Variants in LDHC observed in about 807,000 individuals in gnomAD.
The protein encoded by LDHC is L-lactate dehydrogenase C chain.
LDHC carries 20 observed loss-of-function variants against 30.2 expected under a neutral mutation model. The ratio of observed to expected loss-of-function variants is 0.66; its 90% confidence interval spans 0.47 to 0.96. The LOEUF (loss-of-function observed/expected upper bound fraction) is 0.96. LDHC is among the 40% of genes least tolerant of loss of function. LDHC has a pLI of 0.00. For synonymous variants in LDHC, 139 were observed against 132.7 expected (o/e 1.05, Z -0.32); for missense variants, 362 against 394.9 (o/e 0.92, Z 0.71).
At chr11:18,415,528 T>C (rs1409773467) in intron 3 of LDHC, among the ~76,000 whole-genome samples, 1 of 152,146 alleles carries the variant, frequency 6.6e-6, no homozygotes, top group Non-Finnish European at 1.5e-5. Flanking sequence ...ACCTCCCAGC[T>C]TCAAGTGATT....
At chr11:18,443,272 A>C (rs942529454) in intron 6 of LDHC, among the ~76,000 whole-genome samples, 2 of 152,066 alleles carry the variant, frequency 1.3e-5, no homozygotes, top group African/African-American at 4.8e-5. Flanking sequence ...AAATGCAGGG[A>C]TCTAACTGGT....
intron 7 of LDHC, among the ~76,000 whole-genome samples, chr11:18,449,073 A>G (rs184223751): frequency 0.011 from 1,590 of 148,974 alleles, 17 homozygotes; most frequent in Non-Finnish European, 0.017. Flanking sequence ...ACAGGAGGTA[A>G]AGGGAAACAA....
chr11:18,444,863 A>C (rs908757872), intron 6 of LDHC, among the ~76,000 whole-genome samples: 3 of 151,868 alleles, frequency 2.0e-5, no homozygotes, highest in African/African-American at 7.2e-5. Context: ...TATTTGTAGC[A>C]ATGCAAATAT....
intron 6 of LDHC, among the ~76,000 whole-genome samples, chr11:18,438,993 C>T (rs1246846206): frequency 6.6e-6 from 1 of 152,034 alleles, no homozygotes; most frequent in Non-Finnish European, 1.5e-5. Context: ...TACTTATCTT[C>T]GAAATGGGGA....
intron 2 of LDHC, among the ~76,000 whole-genome samples, chr11:18,414,759 C>T (rs979627208): frequency 2.0e-5 from 3 of 152,066 alleles, no homozygotes; most frequent in Non-Finnish European, 2.9e-5. Context: ...ACCTGGGAGA[C>T]GGAGGTTGCA....
rs766275159 is a variant in LDHC, at chr11:18,412,739, C to T, written c.22C>T (p.Leu8=). The T allele has an allele frequency of 1.2e-6, 2 of 1,613,894 alleles. No homozygotes were observed. The highest frequency in any genetic ancestry group is 1.7e-5 in the Admixed American group (1 of 60,018). The change falls in exon 2 of 8, where the codon CTA becomes TTA. Residue 8 remains leucine, a synonymous_variant. Transcript: ENST00000541669. MSTVKEQ[L]IEKLIEDDEN... ...CCAAATGTCAACTGTCAAGGAGCAG[C>T]TAATTGAGAAGCTAATTGAGGATGA...
chr11:18,417,173 C>T (rs1336566025), intron 3 of LDHC, among the ~76,000 whole-genome samples: 3 of 152,198 alleles, frequency 2.0e-5, no homozygotes, highest in Non-Finnish European at 4.4e-5. Flanking sequence ...CGTGAGCCAC[C>T]GCACCCGGCC....
At chr11:18,428,148 TTTTC>T (rs1415583444) in intron 3 of LDHC, among the ~76,000 whole-genome samples, 1 of 151,274 alleles carries the variant, frequency 6.6e-6, no homozygotes, top group Non-Finnish European at 1.5e-5. Context: ...TTTCATTTTC[TTTTC>T]TTTCTTTCTC....
At chr11:18,439,810 C>CAAAA (rs1848425902) in intron 6 of LDHC, among the ~76,000 whole-genome samples, 1 of 20,520 alleles carries the variant, frequency 4.9e-5, no homozygotes, top group Non-Finnish European at 1.3e-4. Flanking sequence ...ACCGTCTCTA[C>CAAAA]TAAAAAAAAA....
At chr11:18,447,351 G>A (rs1478215230) in intron 7 of LDHC, among the ~76,000 whole-genome samples, 2 of 152,026 alleles carry the variant, frequency 1.3e-5, no homozygotes, top group South Asian at 2.1e-4. Context: ...TAACCAGGAT[G>A]GTCTTGATCT....
chr11:18,431,093 C>A (rs1296396826), intron 4 of LDHC, among the ~76,000 whole-genome samples: 1 of 151,252 alleles, frequency 6.6e-6, no homozygotes, highest in African/African-American at 2.4e-5. Context: ...GCACTCCAGC[C>A]TGAGTGGCAG....
chr11:18,446,869 T>G (rs2133847658), intron 7 of LDHC, among the ~76,000 whole-genome samples: 1 of 152,284 alleles, frequency 6.6e-6, no homozygotes. Context: ...ATAGCTATTT[T>G]TAGGAATTTG....
chr11:18,419,919 C>T (rs1465257043), intron 3 of LDHC, among the ~76,000 whole-genome samples: 4 of 152,096 alleles, frequency 2.6e-5, no homozygotes, highest in Non-Finnish European at 5.9e-5. Context: ...TGGTGAAAAC[C>T]TGTCTCTACT....
chr11:18,422,841 G>T (rs957630389), intron 3 of LDHC, among the ~76,000 whole-genome samples: 2 of 151,522 alleles, frequency 1.3e-5, no homozygotes, highest in African/African-American at 2.4e-5. Context: ...AAATTAGCTG[G>T]GCGTGTTGAT....
At chr11:18,448,513 C>T (rs1451560782) in intron 7 of LDHC, among the ~76,000 whole-genome samples, 2 of 152,046 alleles carry the variant, frequency 1.3e-5, no homozygotes, top group Admixed American at 1.3e-4. Context: ...GAACTCGTGA[C>T]CTGAAGCGAT....
chr11:18,443,771 A>G (rs1381014725), intron 6 of LDHC, among the ~76,000 whole-genome samples: 2 of 152,114 alleles, frequency 1.3e-5, no homozygotes, highest in African/African-American at 4.8e-5. Flanking sequence ...GTTCCTTTTT[A>G]ATTTGAGACA....
intron 3 of LDHC, among the ~76,000 whole-genome samples, chr11:18,426,526 CAAAAA>C (rs33993685): frequency 9.0e-6 from 1 of 111,558 alleles, no homozygotes; most frequent in African/African-American, 3.5e-5. Flanking sequence ...GACTCCGTCT[CAAAAA>C]AAAAAAAAAA....
chr11:18,427,787 C>T (rs535658030), intron 3 of LDHC, among the ~76,000 whole-genome samples: 2 of 151,254 alleles, frequency 1.3e-5, no homozygotes, highest in South Asian at 4.2e-4. Context: ...AAGTGATTTT[C>T]CTGCTTTACC....
chr11:18,413,746 C>T (rs1866949891), intron 2 of LDHC, among the ~76,000 whole-genome samples: 1 of 152,220 alleles, frequency 6.6e-6, no homozygotes, highest in African/African-American at 2.4e-5. Flanking sequence ...CAGGCATGAG[C>T]CACCACGCCT....
Sources: allele counts gnomAD v4.1 joint callset (sites outside exome capture counted in the v4.1 genomes callset), GRCh38; gene constraint gnomAD v4.1.1; transcripts MANE v1.5; gene names NCBI Gene and HGNC (gene_info 2026-07-23, HGNC 2026-07-21).